PXDNL: variants seen among roughly 807,000 people sequenced by gnomAD.
The protein encoded by PXDNL is peroxidasin like, also known as probable oxidoreductase PXDNL.
Under a neutral mutation model 150.8 loss-of-function variants are expected in PXDNL, and 145 were observed. The ratio of observed to expected loss-of-function variants is 0.96; its 90% CI spans 0.84 to 1.10. PXDNL has a LOEUF of 1.10. Among genes scored for constraint, PXDNL ranks in the 50% least tolerant of loss-of-function variants. The pLI is 0.00. For synonymous variants in PXDNL, 757 were observed against 725.7 expected (o/e 1.04, Z -0.69); for missense variants, 2,087 against 1,873.9 (o/e 1.11, Z -2.10).
intron 1 of PXDNL, among the ~76,000 whole-genome samples, chr8:51,794,523 A>G (rs1056962767): frequency 6.6e-6 from 1 of 152,242 alleles, no homozygotes; most frequent in African/African-American, 2.4e-5. Flanking sequence ...ACATTCTTAA[A>G]AGAATTTCCA....
intron 4 of PXDNL, among the ~76,000 whole-genome samples, chr8:51,515,558 A>G (rs1224225591): frequency 6.6e-6 from 1 of 152,194 alleles, no homozygotes; most frequent in African/African-American, 2.4e-5. Flanking sequence ...GCTGTGAGGA[A>G]AACACATTCC....
chr8:51,796,371 T>C (rs1585756728), intron 1 of PXDNL, among the ~76,000 whole-genome samples: 1 of 124,888 alleles, frequency 8.0e-6, no homozygotes. Flanking sequence ...TTCAAAAAAA[T>C]CAATGAATAC....
chr8:51,623,817 TG>T (rs1814307124), intron 2 of PXDNL, among the ~76,000 whole-genome samples: 1 of 152,154 alleles, frequency 6.6e-6, no homozygotes, highest in African/African-American at 2.4e-5. Context: ...AAGCCAGGCA[TG>T]GTGGGTGACT....
chr8:51,650,265 G>T (rs926912034), intron 2 of PXDNL, among the ~76,000 whole-genome samples: 8 of 151,928 alleles, frequency 5.3e-5, no homozygotes, highest in African/African-American at 1.5e-4. Flanking sequence ...TACAGGCATA[G>T]ATTAAAAAAA....
At chr8:51,627,105 A>G (rs913306654) in intron 2 of PXDNL, among the ~76,000 whole-genome samples, 1 of 152,214 alleles carries the variant, frequency 6.6e-6, no homozygotes, top group Non-Finnish European at 1.5e-5. Context: ...TAAATGGTAT[A>G]TTTTCCTGAA....
In PXDNL at chr8:51,725,841, GGT is replaced by G. The variant is rs569511204; in HGVS notation, c.165-71083_165-71082del. On this transcript the variant is annotated intron_variant, in intron 1 of 22. Coordinates refer to ENST00000356297, the MANE Select transcript of PXDNL (RefSeq NM_144651.5). ...AGTATTCACACACAGGTAAGACACA[GGT>G]CATCTTACATGTGTAAGCTGATTTT... Among the ~76,000 whole-genome samples, 65 of 152,306 alleles carry G rather than the reference GGT, an allele frequency of 4.3e-4. 1 individual carries two copies. In the Middle Eastern group the frequency reaches 0.01, roughly 24 times the overall value.
At chr8:51,612,628 A>G (rs1585621027) in intron 2 of PXDNL, among the ~76,000 whole-genome samples, 2 of 152,032 alleles carry the variant, frequency 1.3e-5, no homozygotes, top group African/African-American at 4.8e-5. Flanking sequence ...GCTCCCTTTA[A>G]TGGGATTAGC....
chr8:51,745,915 C>A (rs115807196), intron 1 of PXDNL, among the ~76,000 whole-genome samples: 2 of 151,944 alleles, frequency 1.3e-5, no homozygotes, highest in East Asian at 1.9e-4. Context: ...GATTACAGCA[C>A]GCTCAGCTAA....
chr8:51,346,517 G>A (rs1409326104), intron 19 of PXDNL, among the ~76,000 whole-genome samples: 2 of 152,126 alleles, frequency 1.3e-5, no homozygotes, highest in East Asian at 3.8e-4. Flanking sequence ...AATAAATATG[G>A]AACTTTAAAA....
chr8:51,656,769 C>T lies in PXDNL; in HGVS notation c.165-2009G>A, dbSNP rs144810704. Among the ~76,000 whole-genome samples the T allele has an allele frequency of 2.2e-3, 332 of 152,256 alleles. 3 individuals carry two copies. The highest frequency in any genetic ancestry group is 7.4e-3 in the African/African-American group (308 of 41,548). On this transcript the variant is annotated intron_variant, in intron 1 of 22. Coordinates refer to ENST00000356297, the MANE Select transcript of PXDNL (RefSeq NM_144651.5). ...TTATACCTTGATATAGTTGCTTCTA[C>T]TCATAATTTCACGTGTGTATGTTTA...
intron 3 of PXDNL, among the ~76,000 whole-genome samples, chr8:51,576,076 AT>A (rs35480763): frequency 0.42 from 64,073 of 151,304 alleles, 16,003 homozygotes; most frequent in African/African-American, 0.7. Flanking sequence ...ATAGTTAAAG[AT>A]TTTAATACCC....
intron 3 of PXDNL, among the ~76,000 whole-genome samples, chr8:51,588,251 T>A (rs1206705910): frequency 6.6e-6 from 1 of 152,158 alleles, no homozygotes; most frequent in African/African-American, 2.4e-5. Flanking sequence ...ATTGAATGGG[T>A]CTTCTAACTC....
intron 19 of PXDNL, among the ~76,000 whole-genome samples, chr8:51,357,426 T>C (rs1464089162): frequency 6.6e-6 from 1 of 152,166 alleles, no homozygotes; most frequent in East Asian, 1.9e-4. Context: ...AAATGCTGGG[T>C]GGCCCAAAGA....
chr8:51,747,536 G>A lies in PXDNL; in HGVS notation c.164+61645C>T, dbSNP rs566138193. On this transcript the variant is annotated intron_variant, in intron 1 of 22. Transcript: ENST00000356297. ...GTGGCATGCAAGCAAGGATTAAGAA[G>A]AAACTCATTTTCCCCTGGAATGCCA... Among the ~76,000 whole-genome samples, 133 of 152,332 alleles carry A rather than the reference G, an allele frequency of 8.7e-4. 2 individuals carry two copies. The South Asian group carries it at 0.018, about 21-fold the overall frequency.
intron 1 of PXDNL, among the ~76,000 whole-genome samples, chr8:51,710,694 T>A (rs1816480504): frequency 6.6e-6 from 1 of 152,230 alleles, no homozygotes; most frequent in South Asian, 2.1e-4. Flanking sequence ...TCATGAAGTA[T>A]TTGTCTTTCT....
At chr8:51,488,169 T>C (rs954118088) in intron 5 of PXDNL, among the ~76,000 whole-genome samples, 6 of 152,062 alleles carry the variant, frequency 3.9e-5, no homozygotes, top group African/African-American at 1.5e-4. Flanking sequence ...TAAGAAAAAA[T>C]ATATCCATAT....
chr8:51,613,176 T>G (rs1283261554), intron 2 of PXDNL, among the ~76,000 whole-genome samples: 1 of 152,028 alleles, frequency 6.6e-6, no homozygotes, highest in Non-Finnish European at 1.5e-5. Context: ...AGATCTGGAT[T>G]ACCAGAGGAT....
intron 10 of PXDNL, among the ~76,000 whole-genome samples, chr8:51,450,325 C>T (rs1231290709): frequency 6.6e-6 from 1 of 152,110 alleles, no homozygotes; most frequent in Non-Finnish European, 1.5e-5. Context: ...GTATATTGTG[C>T]CAACCTCCTA....
At chr8:51,428,436 G>A (rs1381674300) in intron 12 of PXDNL, among the ~76,000 whole-genome samples, 1 of 152,192 alleles carries the variant, frequency 6.6e-6, no homozygotes, top group African/African-American at 2.4e-5. Flanking sequence ...TAAAGTGAGA[G>A]CAACTGATCT....
Sources: gnomAD v4.1 joint callset for allele counts (sites outside exome capture counted in the v4.1 genomes callset) on GRCh38, gnomAD v4.1.1 for gene constraint, MANE v1.5 for transcripts, NCBI Gene and HGNC (gene_info 2026-07-23, HGNC 2026-07-21) for gene names.